RPS6KA2: variants seen among roughly 807,000 people sequenced by gnomAD.
RPS6KA2 encodes ribosomal protein S6 kinase A2, also known as ribosomal protein S6 kinase alpha-2.
Under a neutral mutation model 91.8 loss-of-function variants are expected in RPS6KA2, and 42 were observed. The ratio of observed to expected loss-of-function variants is 0.46; its 90% CI spans 0.36 to 0.59. RPS6KA2 has a LOEUF of 0.59. Among genes scored for constraint, RPS6KA2 ranks in the 20% least tolerant of loss-of-function variants. RPS6KA2 has a pLI of 0.00. For synonymous variants in RPS6KA2, 414 were observed against 393.6 expected (o/e 1.05, Z -0.61); for missense variants, 798 against 978.5 (o/e 0.82, Z 2.46).
rs1327456749 is a variant in RPS6KA2 at position 166,812,642 on chromosome 6, T to C, written c.123+45558A>G. Among the ~76,000 whole-genome samples, 5 of 152,316 alleles carry C rather than the reference T, an allele frequency of 3.3e-5. No individual in the cohort carries two copies. In the East Asian group the frequency reaches 9.7e-4, roughly 29 times the overall value. ...GCCACGTGGCCTCAAGCTCCCGCTCTCGTGTGGAACCTGACCCTCTTCCCT... is the reference window on the plus strand; with the variant it reads ...GCCACGTGGCCTCAAGCTCCCGCTCCCGTGTGGAACCTGACCCTCTTCCCT... On this transcript the variant is annotated intron_variant, in intron 2 of 21. Coordinates refer to the RPS6KA2 transcript ENST00000503859.
At chr6:166,452,495 A>G (rs959954823) in intron 12 of RPS6KA2, among the ~76,000 whole-genome samples, 2 of 152,200 alleles carry the variant, frequency 1.3e-5, no homozygotes, top group African/African-American at 4.8e-5. Context: ...TGGAACCAAC[A>G]AAGAGCCTGA....
chr6:166,814,778 C>G (rs545422778), intron 2 of RPS6KA2, among the ~76,000 whole-genome samples: 79 of 152,360 alleles, frequency 5.2e-4, no homozygotes, highest in African/African-American at 1.8e-3. Context: ...GCCTGGTGAT[C>G]TGTCACTGTC....
chr6:166,595,336 G>A (rs934372603), intron 1 of RPS6KA2, among the ~76,000 whole-genome samples: 3 of 152,230 alleles, frequency 2.0e-5, no homozygotes, highest in African/African-American at 7.2e-5. Flanking sequence ...ACAGGCATGA[G>A]CCACCGTGCC....
intron 1 of RPS6KA2, among the ~76,000 whole-genome samples, chr6:166,614,157 T>C (rs907023464): frequency 6.6e-6 from 1 of 152,254 alleles, no homozygotes; most frequent in Non-Finnish European, 1.5e-5. Context: ...ACTGTCCTCC[T>C]CTGCCACTCA....
At chr6:166,474,878 G>A (rs1780907644) in intron 10 of RPS6KA2, among the ~76,000 whole-genome samples, 1 of 152,148 alleles carries the variant, frequency 6.6e-6, no homozygotes, top group Admixed American at 6.5e-5. Context: ...AGCACAGAGG[G>A]ACCAAATGTC....
At chr6:166,558,128 G>A (rs1784230410) in intron 1 of RPS6KA2, among the ~76,000 whole-genome samples, 1 of 151,624 alleles carries the variant, frequency 6.6e-6, no homozygotes, top group African/African-American at 2.4e-5. Flanking sequence ...GTGTATGTGT[G>A]TATTACATCT....
intron 2 of RPS6KA2, among the ~76,000 whole-genome samples, chr6:166,688,189 C>A (rs1201209432): frequency 5.9e-5 from 9 of 152,180 alleles, no homozygotes; most frequent in African/African-American, 4.8e-5. Flanking sequence ...CACTGTGGAG[C>A]AGCTGGGGTG....
At chr6:166,772,553 T>C (rs1778501883) in intron 2 of RPS6KA2, among the ~76,000 whole-genome samples, 1 of 152,192 alleles carries the variant, frequency 6.6e-6, no homozygotes, top group African/African-American at 2.4e-5. Flanking sequence ...AAAAAGATGG[T>C]GAGACCCGGT....
intron 9 of RPS6KA2, among the ~76,000 whole-genome samples, chr6:166,489,456 C>T (rs532178610): frequency 9.2e-4 from 140 of 152,326 alleles, no homozygotes; most frequent in African/African-American, 3.1e-3. Flanking sequence ...CTCAGGACCA[C>T]CGGAGTCCTC....
intron 1 of RPS6KA2, among the ~76,000 whole-genome samples, chr6:166,625,578 GC>G (rs145463806): frequency 0.015 from 2,219 of 152,170 alleles, 36 homozygotes; most frequent in East Asian, 0.069. Context: ...AATAAACTTG[GC>G]ATTGAGATGA....
At chr6:166,577,283 G>A (rs1199376482) in intron 1 of RPS6KA2, among the ~76,000 whole-genome samples, 1 of 152,226 alleles carries the variant, frequency 6.6e-6, no homozygotes, top group African/African-American at 2.4e-5. Flanking sequence ...CTGCCTGGTG[G>A]AGCTGTGAGA....
chr6:166,651,281 G>C (rs1220977096), intron 2 of RPS6KA2, among the ~76,000 whole-genome samples: 1 of 152,214 alleles, frequency 6.6e-6, no homozygotes, highest in Non-Finnish European at 1.5e-5. Flanking sequence ...AATTCAGCAA[G>C]TACAGAAAAG....
rs141523049 is a variant in RPS6KA2, at chr6:166,668,124, C to T, written c.124-129340G>A. 5.3e-5 allele frequency among the ~76,000 whole-genome samples: 8 copies of T among 152,264 alleles called. No homozygotes were observed. The East Asian group carries it at 1.2e-3, about 22-fold the overall frequency. ...TCCTGGAGAGCTGGAGTGACACAAA[C>T]GAGCAGGAACAGGACTGCAATGCCA... On this transcript the variant is annotated intron_variant, in intron 2 of 21. Coordinates refer to the RPS6KA2 transcript ENST00000503859.
At chr6:166,530,677 C>T (rs576436999) in intron 3 of RPS6KA2, among the ~76,000 whole-genome samples, 15 of 152,310 alleles carry the variant, frequency 9.8e-5, no homozygotes, top group African/African-American at 2.9e-4. Flanking sequence ...CAGCTAGTGA[C>T]GGGCTTAAAG....
At chr6:166,692,243 A>C (rs1413931619) in intron 2 of RPS6KA2, among the ~76,000 whole-genome samples, 2 of 152,194 alleles carry the variant, frequency 1.3e-5, no homozygotes, top group African/African-American at 4.8e-5. Context: ...AGAGAAAAGA[A>C]AAGTAAGGAA....
At chr6:166,637,376 G>A (rs1288494680) in intron 2 of RPS6KA2, among the ~76,000 whole-genome samples, 1 of 152,254 alleles carries the variant, frequency 6.6e-6, no homozygotes, top group Non-Finnish European at 1.5e-5. Context: ...CTGGGGAAGA[G>A]AGGAGATCAG....
At chr6:166,516,574 C>T (rs1352024239) in intron 3 of RPS6KA2, among the ~76,000 whole-genome samples, 1 of 152,266 alleles carries the variant, frequency 6.6e-6, no homozygotes, top group Non-Finnish European at 1.5e-5. Context: ...CTCTGTCACA[C>T]ATCACACAGC....
At chr6:166,695,850 G>C (rs1324526436) in intron 2 of RPS6KA2, among the ~76,000 whole-genome samples, 3 of 151,796 alleles carry the variant, frequency 2.0e-5, no homozygotes, top group African/African-American at 7.3e-5. Flanking sequence ...TCTCACAGGA[G>C]CACTGGATTC....
At chr6:166,443,098 C>A (rs952961636) in intron 14 of RPS6KA2, among the ~76,000 whole-genome samples, 6 of 152,034 alleles carry the variant, frequency 3.9e-5, no homozygotes, top group Non-Finnish European at 7.4e-5. Flanking sequence ...CAATTATATA[C>A]TGTATTAAGA....
Sources: gnomAD v4.1 joint callset for allele counts (sites outside exome capture counted in the v4.1 genomes callset) on GRCh38, gnomAD v4.1.1 for gene constraint, MANE v1.5 for transcripts, NCBI Gene and HGNC (gene_info 2026-07-23, HGNC 2026-07-21) for gene names.